The following FRMD4A variants were observed in gnomAD, a reference collection of about 807,000 sequenced individuals.
FRMD4A encodes the protein FERM domain-containing protein 4A.
Under a neutral mutation model 129.1 loss-of-function variants are expected in FRMD4A, and 29 were observed. The ratio of observed to expected loss-of-function variants is 0.22; its 90% CI spans 0.17 to 0.31. The LOEUF (loss-of-function observed/expected upper bound fraction) is 0.31. FRMD4A is among the 10% of genes least tolerant of loss of function. FRMD4A has a pLI of 1.00. For missense variants in FRMD4A, 1,272 were observed against 1,375.8 expected, an observed-to-expected ratio of 0.92 and a Z score of 1.19; for synonymous variants, 634 against 571.6, an observed-to-expected ratio of 1.11 and a Z score of -1.56.
At chr10:14,021,470 T>C (rs1588796534) in intron 2 of FRMD4A, among the ~76,000 whole-genome samples, 2 of 152,034 alleles carry the variant, frequency 1.3e-5, no homozygotes, top group African/African-American at 2.4e-5. Context: ...GGTGGGAGGA[T>C]TGTTTGAGCC....
intron 2 of FRMD4A, among the ~76,000 whole-genome samples, chr10:13,988,482 T>C (rs2095590415): frequency 6.6e-6 from 1 of 152,216 alleles, no homozygotes; most frequent in South Asian, 2.1e-4. Context: ...TTGTTTCTCT[T>C]TGAGTGGGTT....
intron 15 of FRMD4A, among the ~76,000 whole-genome samples, chr10:13,682,177 T>C (rs2084657367): frequency 6.6e-6 from 1 of 152,172 alleles, no homozygotes; most frequent in Non-Finnish European, 1.5e-5. Context: ...TGAGCTGTGA[T>C]TGCGCCACTG....
intron 2 of FRMD4A, among the ~76,000 whole-genome samples, chr10:13,899,592 G>T (rs2094796704): frequency 6.6e-6 from 1 of 151,984 alleles, no homozygotes; most frequent in Non-Finnish European, 1.5e-5. Flanking sequence ...CAGTCCAGCA[G>T]TTTGAGGCTG....
At position 13,677,212 on chromosome 10, in the gene FRMD4A, C is replaced by G. The variant is rs567907497; in HGVS notation, c.1118-2168G>C. Reference sequence around the variant, plus strand: ...ATGTCTAAGAACATTTTAACTCTAACATGGGTTTTGTTCTTTCCCTTGCCT... The same window carrying G: ...ATGTCTAAGAACATTTTAACTCTAAGATGGGTTTTGTTCTTTCCCTTGCCT... On this transcript the variant is annotated intron_variant, in intron 15 of 24. Coordinates refer to ENST00000357447, the MANE Select transcript of FRMD4A (RefSeq NM_018027.5). Among the ~76,000 whole-genome samples the G allele has an allele frequency of 2.6e-5, 4 of 152,306 alleles. No homozygotes were observed. In the East Asian group the frequency reaches 7.7e-4, roughly 29 times the overall value.
At chr10:13,687,717 C>A (rs977658411) in intron 15 of FRMD4A, among the ~76,000 whole-genome samples, 1 of 152,214 alleles carries the variant, frequency 6.6e-6, no homozygotes, top group Non-Finnish European at 1.5e-5. Flanking sequence ...GAAGCAATCA[C>A]TGGGCTGTCA....
intron 14 of FRMD4A, among the ~76,000 whole-genome samples, chr10:13,696,288 C>T (rs375200939): frequency 9.8e-5 from 15 of 152,290 alleles, no homozygotes; most frequent in African/African-American, 3.1e-4. Flanking sequence ...GCAAGCATGG[C>T]GAGTACAACC....
chr10:14,174,891 G>C (rs1015668946), intron 2 of FRMD4A, among the ~76,000 whole-genome samples: 1 of 149,654 alleles, frequency 6.7e-6, no homozygotes, highest in Non-Finnish European at 1.5e-5. Flanking sequence ...GTGTGTGTGT[G>C]TGTGTGTGTG....
rs908166492 is a variant in FRMD4A, at chr10:14,006,488, A to C, written c.46-147576T>G. On this transcript the variant is annotated intron_variant, in intron 2 of 24. Coordinates refer to ENST00000357447, the MANE Select transcript of FRMD4A (RefSeq NM_018027.5). ...GTGGTAACTGCCTATATTTGAATTT[A>C]TGCAAACATACATGATTTATTAAAC... Among the ~76,000 whole-genome samples, 25 of 152,360 alleles carry C rather than the reference A, an allele frequency of 1.6e-4. 1 individual carries two copies. The Middle Eastern group carries it at 0.01, about 62-fold the overall frequency.
At chr10:13,746,215 T>G (rs955477750) in intron 9 of FRMD4A, among the ~76,000 whole-genome samples, 4 of 152,000 alleles carry the variant, frequency 2.6e-5, no homozygotes, top group Non-Finnish European at 5.9e-5. Context: ...AGTTGTTTTT[T>G]TGTTTGTTTG....
intron 12 of FRMD4A, among the ~76,000 whole-genome samples, chr10:13,720,815 T>G (rs1001883885): frequency 6.6e-6 from 1 of 152,088 alleles, no homozygotes; most frequent in Non-Finnish European, 1.5e-5. Context: ...GGGGCGTCAT[T>G]TGTGTGTTTG....
At chr10:13,778,012 A>G (rs1367718877) in intron 6 of FRMD4A, among the ~76,000 whole-genome samples, 1 of 151,982 alleles carries the variant, frequency 6.6e-6, no homozygotes, top group Non-Finnish European at 1.5e-5. Flanking sequence ...CATGTTGGTC[A>G]GGCTGGTCTC....
chr10:13,978,384 C>T (rs1344307150), intron 2 of FRMD4A, among the ~76,000 whole-genome samples: 1 of 152,150 alleles, frequency 6.6e-6, no homozygotes, highest in Non-Finnish European at 1.5e-5. Context: ...CTCTTCCTCT[C>T]TCAACAGCCC....
chr10:14,102,446 G>C (rs1837357518), intron 2 of FRMD4A, among the ~76,000 whole-genome samples: 3 of 152,296 alleles, frequency 2.0e-5, no homozygotes, highest in Admixed American at 2.0e-4. Context: ...AGAATCACTT[G>C]AACCCGGGAG....
chr10:13,759,883 G>A (rs1474605957), intron 8 of FRMD4A, among the ~76,000 whole-genome samples: 1 of 151,838 alleles, frequency 6.6e-6, no homozygotes, highest in Non-Finnish European at 1.5e-5. Flanking sequence ...GGGCCTGGAG[G>A]TCTCTTTATG....
intron 2 of FRMD4A, among the ~76,000 whole-genome samples, chr10:14,128,477 G>C (rs146429410): frequency 1.3e-5 from 2 of 152,218 alleles, no homozygotes; most frequent in African/African-American, 4.8e-5. Flanking sequence ...AAGTTATTGA[G>C]GGCAAGCCCT....
At chr10:14,311,745 C>T (rs1342382405) in intron 2 of FRMD4A, among the ~76,000 whole-genome samples, 1 of 152,142 alleles carries the variant, frequency 6.6e-6, no homozygotes, top group Admixed American at 6.5e-5. Context: ...CCCCATCTGT[C>T]TCTCAGAGGT....
intron 2 of FRMD4A, among the ~76,000 whole-genome samples, chr10:13,878,033 G>A (rs1400181605): frequency 6.6e-6 from 1 of 152,114 alleles, no homozygotes; most frequent in African/African-American, 2.4e-5. Flanking sequence ...CAGTAACGTA[G>A]CACCTTACAG....
chr10:14,143,279 C>A (rs1299461027), intron 2 of FRMD4A, among the ~76,000 whole-genome samples: 2 of 152,192 alleles, frequency 1.3e-5, no homozygotes, highest in Non-Finnish European at 2.9e-5. Flanking sequence ...TATATACATA[C>A]AATTAAATAT....
intron 2 of FRMD4A, among the ~76,000 whole-genome samples, chr10:14,094,617 A>G (rs1301012566): frequency 2.0e-5 from 3 of 152,168 alleles, no homozygotes; most frequent in African/African-American, 7.2e-5. Flanking sequence ...GCATGGCTCC[A>G]TGTGGCCCTG....
Sources: gnomAD v4.1 joint callset for allele counts (sites outside exome capture counted in the v4.1 genomes callset) on GRCh38, gnomAD v4.1.1 for gene constraint, MANE v1.5 for transcripts, NCBI Gene and HGNC (gene_info 2026-07-23, HGNC 2026-07-21) for gene names.